CCSER1: variants seen among roughly 807,000 people sequenced by gnomAD.
The protein encoded by CCSER1 is coiled-coil serine rich protein 1.
A neutral mutation model predicts 82.0 loss-of-function variants in CCSER1; 41 were observed. The observed-to-expected ratio is 0.50, with a 90% confidence interval of 0.39 to 0.65. The LOEUF is 0.65. Ranked by LOEUF, CCSER1 falls within the 30% of genes least tolerant of loss-of-function variation. The probability of loss-of-function intolerance (pLI) is 0.00; values close to 1 mark genes in which losing one functional copy is unlikely to be tolerated. For missense variants in CCSER1, 1,119 were observed against 1,064.2 expected (o/e 1.05, Z -0.72); for synonymous variants, 414 against 383.9 (o/e 1.08, Z -0.92).
intron 10 of CCSER1, among the ~76,000 whole-genome samples, chr4:91,281,328 A>G (rs1742896022): frequency 6.6e-6 from 1 of 152,140 alleles, no homozygotes; most frequent in Non-Finnish European, 1.5e-5. Flanking sequence ...ACATGCCTCT[A>G]GTCAGCTATC....
chr4:90,619,151 A>C (rs1380570864), intron 5 of CCSER1, among the ~76,000 whole-genome samples: 2 of 151,980 alleles, frequency 1.3e-5, no homozygotes, highest in Non-Finnish European at 2.9e-5. Context: ...TAAAAACTAC[A>C]ATGGAACTGA....
rs1763718383 is a variant in CCSER1 at position 91,581,375 on chromosome 4, A to G, written c.2218-17197A>G. Reference sequence around the variant, plus strand: ...CCAGAAGGGCAGCATTAGTTGATCAATAGGAGCAGATTCAGGTTGTTGGGG... The same window carrying G: ...CCAGAAGGGCAGCATTAGTTGATCAGTAGGAGCAGATTCAGGTTGTTGGGG... On this transcript the variant is annotated intron_variant, in intron 10 of 10. Transcript: ENST00000509176. Among the ~76,000 whole-genome samples, 3 of 151,732 alleles carry G rather than the reference A, an allele frequency of 2.0e-5. No homozygotes were observed. In the South Asian group the frequency reaches 6.2e-4, roughly 31 times the overall value.
chr4:90,276,338 T>G (rs1727797296), intron 1 of CCSER1, among the ~76,000 whole-genome samples: 1 of 133,404 alleles, frequency 7.5e-6, no homozygotes, highest in African/African-American at 3.4e-5. Context: ...TCTTTCTTTC[T>G]TCTTTCTTTC....
intron 9 of CCSER1, among the ~76,000 whole-genome samples, chr4:90,924,218 T>C (rs1728768777): frequency 6.6e-6 from 1 of 152,162 alleles, no homozygotes; most frequent in East Asian, 1.9e-4. Flanking sequence ...TTTAGCACTT[T>C]GCTGATAAGT....
chr4:90,914,469 A>G (rs979375291), intron 8 of CCSER1, among the ~76,000 whole-genome samples: 1 of 152,198 alleles, frequency 6.6e-6, no homozygotes, highest in East Asian at 1.9e-4. Context: ...ACAACAAACT[A>G]GAATCTCTGG....
intron 10 of CCSER1, among the ~76,000 whole-genome samples, chr4:91,150,906 A>G (rs1035030506): frequency 2.0e-5 from 3 of 152,192 alleles, no homozygotes; most frequent in Non-Finnish European, 4.4e-5. Flanking sequence ...ATTGATGTTC[A>G]TCAGGGATAT....
chr4:90,834,366 A>G lies in CCSER1; in HGVS notation c.2094+18521A>G, dbSNP rs191883105. ...ATATTAGCCCCTCAGTAAGTTGAATAAAGAATTGATAATGAACACCACATT... is the reference window on the plus strand; with the variant it reads ...ATATTAGCCCCTCAGTAAGTTGAATGAAGAATTGATAATGAACACCACATT... On this transcript the variant is annotated intron_variant, in intron 8 of 10. Coordinates refer to ENST00000509176, the MANE Select transcript of CCSER1 (RefSeq NM_001145065.2). Among the ~76,000 whole-genome samples the G allele has an allele frequency of 1.2e-4, 18 of 152,350 alleles. No individual in the cohort carries two copies. In the South Asian group the frequency reaches 2.5e-3, roughly 21 times the overall value.
At chr4:90,889,183 T>G (rs1722600731) in intron 8 of CCSER1, among the ~76,000 whole-genome samples, 1 of 152,188 alleles carries the variant, frequency 6.6e-6, no homozygotes, top group Non-Finnish European at 1.5e-5. Flanking sequence ...TGATTTCAAT[T>G]CATACACTGA....
intron 10 of CCSER1, among the ~76,000 whole-genome samples, chr4:91,224,549 A>G (rs1045556137): frequency 6.6e-6 from 1 of 152,082 alleles, no homozygotes; most frequent in Non-Finnish European, 1.5e-5. Flanking sequence ...CTGAAATTTT[A>G]ATTTTATTGT....
At chr4:90,342,636 G>A (rs1741600402) in intron 3 of CCSER1, among the ~76,000 whole-genome samples, 1 of 152,116 alleles carries the variant, frequency 6.6e-6, no homozygotes, top group Non-Finnish European at 1.5e-5. Context: ...ATAGCACCGA[G>A]TATCCCTCTG....
At chr4:90,214,023 G>A (rs1474890810) in intron 1 of CCSER1, among the ~76,000 whole-genome samples, 1 of 152,138 alleles carries the variant, frequency 6.6e-6, no homozygotes, top group Non-Finnish European at 1.5e-5. Context: ...AATACATTAT[G>A]TTTATAAGGA....
intron 8 of CCSER1, among the ~76,000 whole-genome samples, chr4:90,864,499 G>A (rs1363458338): frequency 6.6e-6 from 1 of 151,920 alleles, no homozygotes; most frequent in Non-Finnish European, 1.5e-5. Flanking sequence ...CTCTCCATGT[G>A]ATACCTCCTA....
chr4:90,817,500 C>G (rs2149772957), intron 8 of CCSER1, among the ~76,000 whole-genome samples: 1 of 151,996 alleles, frequency 6.6e-6, no homozygotes, highest in South Asian at 2.1e-4. Flanking sequence ...CTATATATTT[C>G]TTTTTCTTTT....
At chr4:90,920,029 T>G (rs556201025) in intron 8 of CCSER1, among the ~76,000 whole-genome samples, 1 of 151,984 alleles carries the variant, frequency 6.6e-6, no homozygotes, top group Admixed American at 6.6e-5. Flanking sequence ...ACAAATTGAG[T>G]TGTTTTAATT....
chr4:90,600,594 C>T (rs59448056), intron 5 of CCSER1, among the ~76,000 whole-genome samples: 1 of 151,966 alleles, frequency 6.6e-6, no homozygotes, highest in Non-Finnish European at 1.5e-5. Flanking sequence ...GAAAGATTTT[C>T]TTCCAGACTC....
chr4:91,187,374 G>T (rs1206463951), intron 10 of CCSER1, among the ~76,000 whole-genome samples: 1 of 152,104 alleles, frequency 6.6e-6, no homozygotes, highest in Non-Finnish European at 1.5e-5. Context: ...AAGTCTGGAA[G>T]AGATTTTCAA....
At chr4:90,910,496 T>C (rs897340386) in intron 8 of CCSER1, among the ~76,000 whole-genome samples, 1 of 152,230 alleles carries the variant, frequency 6.6e-6, no homozygotes, top group Non-Finnish European at 1.5e-5. Context: ...GTCATATTTT[T>C]AGTTTGTACA....
intron 10 of CCSER1, among the ~76,000 whole-genome samples, chr4:91,578,155 G>C (rs1157739949): frequency 2.0e-5 from 3 of 151,870 alleles, no homozygotes; most frequent in African/African-American, 7.2e-5. Context: ...CTTTGCCATG[G>C]TAATAAAGTT....
intron 3 of CCSER1, among the ~76,000 whole-genome samples, chr4:90,313,578 C>T (rs1167957817): frequency 6.6e-6 from 1 of 151,952 alleles, no homozygotes; most frequent in East Asian, 1.9e-4. Context: ...ATCAAGATAC[C>T]CTATTCCTGG....
Sources: gnomAD v4.1 joint callset for allele counts (sites outside exome capture counted in the v4.1 genomes callset) on GRCh38, gnomAD v4.1.1 for gene constraint, MANE v1.5 for transcripts, NCBI Gene and HGNC (gene_info 2026-07-23, HGNC 2026-07-21) for gene names.